Variants in ASMT observed in about 807,000 individuals in gnomAD.
ASMT encodes acetylserotonin N-methyltransferase.
A neutral mutation model predicts 41.3 loss-of-function variants in ASMT; 53 were observed. The observed-to-expected ratio is 1.28, with a 90% CI of 1.03 to 1.61. The LOEUF is 1.61. ASMT is among the 40% of genes most tolerant of loss of function. ASMT has a pLI of 0.00. For missense variants in ASMT, 531 were observed against 441.3 expected, an observed-to-expected ratio of 1.20 and a Z score of -1.82; for synonymous variants, 231 against 184.8, an observed-to-expected ratio of 1.25 and a Z score of -2.03.
At position 1,624,323 on chromosome X, in the gene ASMT, C is replaced by A; in HGVS notation, c.299C>A (p.Thr100Lys). The A allele has an allele frequency of 6.2e-7, 1 of 1,613,962 alleles. No homozygotes were observed. Among genetic ancestry groups the A allele is most frequent in the African/African-American group, 1.3e-5 (1 of 75,058 alleles). Reference sequence around the variant, plus strand: ...GACTACCTGACCACGGTCAGCCCGACGTCACAATGCAGCATGCTGAAGTAC... The same window carrying A: ...GACTACCTGACCACGGTCAGCCCGAAGTCACAATGCAGCATGCTGAAGTAC... ...SSDYLTTVSP[T>K]SQCSMLKYMG... The change falls in exon 3 of 9, where the codon ACG (threonine) becomes AAG (lysine). Residue 100 changes from threonine (T) to lysine (K), a missense_variant. Thr to Lys is a moderately conservative substitution (Grantham distance 78). Coordinates refer to ENST00000381241, the MANE Select transcript of ASMT (RefSeq NM_001171038.2).
intron 2 of ASMT, 21 bp from the exon 3 acceptor site, chrX:1,624,248 G>A (rs1472756402): frequency 6.2e-7 from 1 of 1,613,664 alleles, no homozygotes; most frequent in Non-Finnish European, 8.5e-7. Context: ...CTTTTTCCCT[G>A]TTTTTTTGTG....
At chrX:1,615,386 C>T (rs1934045128) in intron 1 of ASMT, 118 bp downstream of exon 1, 3 of 1,074,762 alleles carry the variant, frequency 2.8e-6, no homozygotes, top group Admixed American at 2.0e-5. Context: ...GTTTATTTTC[C>T]ACCGTGAAAG....
chrX:1,615,125 C>A lies in ASMT; in HGVS notation c.-75C>A, dbSNP rs1278913659. 7.1e-7 allele frequency: 1 copy of A among 1,415,664 alleles called. No individual in the cohort carries two copies. Among genetic ancestry groups the A allele is most frequent in the South Asian group, 1.2e-5 (1 of 81,450 alleles). The allele number at this position is 1,415,664 out of a possible 1,614,324, so 87.7% of individuals were successfully genotyped here. ...CTGTGAGCGGGTGGCTCTTCCCCAC[C>A]TTGCCAGCAGGCTCTGTGCTCCTTG... On this transcript the variant is annotated 5_prime_UTR_variant, in exon 1 of 9. Coordinates refer to ENST00000381241, the MANE Select transcript of ASMT (RefSeq NM_001171038.2).
chrX:1,615,830 A>G (rs1408480976), intron 1 of ASMT, among the ~76,000 whole-genome samples: 1 of 152,060 alleles, frequency 6.6e-6, no homozygotes, highest in Non-Finnish European at 1.5e-5. Context: ...CAACAAAAAA[A>G]AAGAAACAAA....
chrX:1,629,897 G>A lies in ASMT; in HGVS notation c.520G>A (p.Ala174Thr), dbSNP rs189062200. The change falls in exon 5 of 9, where the codon GCC becomes ACC. Residue 174 changes from alanine to threonine, a missense_variant. Ala to Thr is a moderately conservative substitution (Grantham distance 58). Transcript: ENST00000381241. ...CGTCAACGGGAGAAGCGTGCTGACC[G>A]CCTTTGACCTGTCAGTGTTCCCACT... ...WSVNGRSVLT[A>T]FDLSVFPLMC... 31 of 1,613,958 alleles carry A rather than the reference G, an allele frequency of 1.9e-5. No homozygotes were observed. The highest frequency in any genetic ancestry group is 1.2e-4 in the Admixed American group (7 of 60,002).
At chrX:1,618,922 A>C (rs774452771) in intron 1 of ASMT, among the ~76,000 whole-genome samples, 5 of 152,308 alleles carry the variant, frequency 3.3e-5, no homozygotes, top group African/African-American at 9.6e-5. Flanking sequence ...TTGGAAGAGC[A>C]GTCACTTTAA....
intron 1 of ASMT, among the ~76,000 whole-genome samples, chrX:1,615,501 C>A (rs773874042): frequency 7.2e-5 from 11 of 152,162 alleles, no homozygotes; most frequent in African/African-American, 2.4e-4. Flanking sequence ...AGTCATCAAT[C>A]AATGTATGTA....
intron 7 of ASMT, among the ~76,000 whole-genome samples, chrX:1,634,677 T>C (rs1258516206): frequency 2.1e-5 from 3 of 146,092 alleles, no homozygotes; most frequent in Non-Finnish European, 4.5e-5. Flanking sequence ...TTTTTCTTGT[T>C]TTTTTGAGAC....
At chrX:1,636,902 G>C (rs755538560) in intron 8 of ASMT, among the ~76,000 whole-genome samples, 124 of 143,232 alleles carry the variant, frequency 8.7e-4, no homozygotes, top group Admixed American at 1.6e-3. Context: ...ATGAGGATGT[G>C]GGCACAGCCT....
chrX:1,618,988 T>C (rs1431825335), intron 1 of ASMT, among the ~76,000 whole-genome samples: 8 of 152,210 alleles, frequency 5.3e-5, no homozygotes, highest in African/African-American at 1.9e-4. Context: ...CCAGAGTTAA[T>C]GCAGAGTTAA....
At position 1,636,572 on chromosome X, in the gene ASMT, G is replaced by A; in HGVS notation, c.910+12G>A. The A allele has an allele frequency of 6.2e-7, 1 of 1,613,880 alleles. No individual in the cohort carries two copies. The highest frequency in any genetic ancestry group is 8.5e-7 in the Non-Finnish European group (1 of 1,179,856). ...CACTTGCAAGCCAGGTAAGTTGTGGGGTTTGCATTTCAGCGTGTGCTTGTG... is the reference window on the plus strand; with the variant it reads ...CACTTGCAAGCCAGGTAAGTTGTGGAGTTTGCATTTCAGCGTGTGCTTGTG... On this transcript the variant is annotated intron_variant, in intron 8 of 8. Transcript: ENST00000381241.
chrX:1,615,299 T>G, intron 1 of ASMT, 31 bp downstream of exon 1: 3 of 1,554,606 alleles, frequency 1.9e-6, no homozygotes, highest in Non-Finnish European at 2.6e-6. Context: ...CAAGGGGGAA[T>G]AGACTTCCGT....
In ASMT at chrX:1,642,841, G is replaced by A. The variant is rs1394552055; in HGVS notation, c.949G>A (p.Asp317Asn). The A allele has an allele frequency of 6.2e-7, 1 of 1,613,994 alleles. No homozygotes were observed. The highest frequency in any genetic ancestry group is 2.2e-5 in the East Asian group (1 of 44,886). The change falls in exon 9 of 9, where the codon GAC (aspartate) becomes AAC (asparagine). Residue 317 changes from aspartate (D) to asparagine (N), a missense_variant. Transcript: ENST00000381241. ...GGTAATTGAAAGCCTCCTGGATGAA[G>A]ACAGGCGAGGTCCTCTGCTCACGCA... ...ILVIESLLDEDRRGPLLTQLY... is the reference protein window; with the variant it reads ...ILVIESLLDENRRGPLLTQLY...
chrX:1,625,782 G>A (rs747504531), intron 3 of ASMT, among the ~76,000 whole-genome samples: 7 of 151,402 alleles, frequency 4.6e-5, no homozygotes, highest in South Asian at 4.2e-4. Context: ...GTGAAACCCC[G>A]TCTCTATTAA....
intron 1 of ASMT, among the ~76,000 whole-genome samples, chrX:1,620,586 T>G (rs1440479679): frequency 6.6e-6 from 1 of 151,998 alleles, no homozygotes; most frequent in African/African-American, 2.4e-5. Context: ...AACAGTTTAA[T>G]AAAAAAGCTA....
chrX:1,633,054 C>G, intron 6 of ASMT, 96 bp from the exon 7 acceptor site: 1 of 1,465,506 alleles, frequency 6.8e-7, no homozygotes, highest in Non-Finnish European at 9.6e-7. Context: ...ACCCAAGTTC[C>G]TGGGTTGGAC....
intron 1 of ASMT, 38 bp downstream of exon 1, chrX:1,615,306 C>T: frequency 1.3e-6 from 2 of 1,520,180 alleles, no homozygotes. Context: ...GAATAGACTT[C>T]CGTTCATCAC....
chrX:1,618,455 C>A (rs1162490583), intron 1 of ASMT, among the ~76,000 whole-genome samples: 48 of 145,878 alleles, frequency 3.3e-4, no homozygotes, highest in Non-Finnish European at 6.1e-4. Context: ...TGAGCTACTG[C>A]CTCTGGCTAA....
chrX:1,616,917 C>T (rs1218959219), intron 1 of ASMT, among the ~76,000 whole-genome samples: 2 of 151,792 alleles, frequency 1.3e-5, no homozygotes, highest in Non-Finnish European at 2.9e-5. Flanking sequence ...ACCGTGTTAG[C>T]CAGGATGGTC....
Sources: allele counts gnomAD v4.1 joint callset (sites outside exome capture counted in the v4.1 genomes callset), GRCh38; gene constraint gnomAD v4.1.1; transcripts MANE v1.5; gene names NCBI Gene and HGNC (gene_info 2026-07-23, HGNC 2026-07-21).